Variants in PRR16 observed in about 807,000 individuals in gnomAD.
The protein encoded by PRR16 is protein Largen.
In PRR16, 6 loss-of-function variants were observed where a neutral mutation model predicts 18.2. That is an observed-to-expected ratio of 0.33 (90% CI 0.18 to 0.65). The LOEUF is 0.65. Among genes scored for constraint, PRR16 ranks in the 30% least tolerant of loss-of-function variants. The pLI, the probability that PRR16 is intolerant of heterozygous loss-of-function variation, is 0.74. For synonymous variants in PRR16, 151 were observed against 147.8 expected (o/e 1.02, Z -0.16); for missense variants, 412 against 376.6 (o/e 1.09, Z -0.78).
intron 1 of PRR16, among the ~76,000 whole-genome samples, chr5:120,602,994 A>G (rs186965385): frequency 1.3e-5 from 2 of 152,154 alleles, no homozygotes; most frequent in East Asian, 1.9e-4. Flanking sequence ...GTTTGCATCT[A>G]TGTTCATTAG....
Position 120,686,819 on chromosome 5 carries a change from A to T in PRR16, c.*110A>T. The T allele has an allele frequency of 2.2e-6, 2 of 921,694 alleles. No homozygotes were observed. Among genetic ancestry groups the T allele is most frequent in the Non-Finnish European group, 3.0e-6 (2 of 675,002 alleles). 57.1% of individuals were successfully genotyped at this position (921,694 alleles called of 1,614,324 possible). A position where few individuals can be genotyped will look rare whatever the true frequency, so the allele number is the denominator to read the frequency against. On this transcript the variant is annotated 3_prime_UTR_variant, in exon 2 of 2. Coordinates refer to ENST00000407149, the MANE Select transcript of PRR16 (RefSeq NM_001300783.2). ...AAAAGCCCAAATATATTAATCCTGCATTCAGCAAAGTGGCATAAAAATCAC... is the reference window on the plus strand; with the variant it reads ...AAAAGCCCAAATATATTAATCCTGCTTTCAGCAAAGTGGCATAAAAATCAC...
chr5:120,481,387 T>A, intron 1 of PRR16: 1 of 293,208 alleles, frequency 3.4e-6, no homozygotes, highest in South Asian at 2.6e-5. Flanking sequence ...TGCCTTAGCC[T>A]CCCAAAGTGC....
At chr5:120,757,212 T>C in the PRR16 span, among the ~76,000 whole-genome samples, 1 of 152,126 alleles carries the variant, frequency 6.6e-6, no homozygotes, top group Non-Finnish European at 1.5e-5. Flanking sequence ...ATGTTTTGGT[T>C]ACTGTAGCCT....
the PRR16 span, among the ~76,000 whole-genome samples, chr5:120,699,833 G>A: frequency 6.6e-6 from 1 of 152,330 alleles, no homozygotes; most frequent in Non-Finnish European, 1.5e-5. Context: ...GGGTTTGAGA[G>A]ATCAGTCAGA....
intron 1 of PRR16, among the ~76,000 whole-genome samples, chr5:120,537,959 G>A (rs917028029): frequency 5.9e-5 from 9 of 151,342 alleles, no homozygotes; most frequent in Non-Finnish European, 1.0e-4. Context: ...TGTATTTTTA[G>A]TAGAGACGGG....
chr5:120,724,807 A>C, the PRR16 span, among the ~76,000 whole-genome samples: 1 of 152,024 alleles, frequency 6.6e-6, no homozygotes, highest in Non-Finnish European at 1.5e-5. Context: ...TGTTTCATCA[A>C]ATACATAGGA....
intron 1 of PRR16, among the ~76,000 whole-genome samples, chr5:120,673,039 A>G (rs1197301648): frequency 1.3e-5 from 2 of 152,226 alleles, no homozygotes; most frequent in African/African-American, 4.8e-5. Context: ...AGGTGATGAA[A>G]ACAGGAATTA....
At chr5:120,548,924 G>A (rs1458781608) in intron 1 of PRR16, among the ~76,000 whole-genome samples, 1 of 151,338 alleles carries the variant, frequency 6.6e-6, no homozygotes, top group African/African-American at 2.4e-5. Flanking sequence ...ATTGAGACAT[G>A]CTGAAAATAA....
chr5:120,555,803 T>A (rs1240106676), intron 1 of PRR16, among the ~76,000 whole-genome samples: 2 of 126,690 alleles, frequency 1.6e-5, no homozygotes, highest in East Asian at 2.5e-4. Context: ...CTAGAAAGGT[T>A]TTTTTTTTTT....
At chr5:120,701,371 A>G in the PRR16 span, among the ~76,000 whole-genome samples, 1 of 152,164 alleles carries the variant, frequency 6.6e-6, no homozygotes, top group Non-Finnish European at 1.5e-5. Flanking sequence ...TTGCTGCCAA[A>G]CAAGTCATGA....
intron 1 of PRR16, among the ~76,000 whole-genome samples, chr5:120,627,228 C>A (rs1459038688): frequency 6.6e-6 from 1 of 151,982 alleles, no homozygotes; most frequent in Non-Finnish European, 1.5e-5. Context: ...ATTAAATGGC[C>A]GAGATGTGGC....
At position 120,497,383 on chromosome 5, in the gene PRR16, G is replaced by GTTT. The variant is rs772458976; in HGVS notation, c.159+32738_159+32739insTTT. Among the ~76,000 whole-genome samples the GTTT allele has an allele frequency of 5.8e-3, 621 of 106,826 alleles. 5 individuals carry two copies. Among genetic ancestry groups the GTTT allele is most frequent in the Non-Finnish European group, 9.3e-3 (502 of 53,748 alleles). The allele number at this position is 106,826 out of a possible 152,430, so 70.1% of individuals were successfully genotyped here. ...TTTGCTTCCCCTGTTTTGATGAACT[G>GTTT]ATTTTTTTTTTTTTTTTTTTTTTTG... On this transcript the variant is annotated intron_variant, in intron 1 of 1. Transcript: ENST00000407149.
intron 1 of PRR16, among the ~76,000 whole-genome samples, chr5:120,514,109 A>G (rs747165073): frequency 1.3e-5 from 2 of 152,154 alleles, no homozygotes; most frequent in Non-Finnish European, 2.9e-5. Flanking sequence ...CGTGTTTCAC[A>G]TATATTAGGT....
intron 1 of PRR16, among the ~76,000 whole-genome samples, chr5:120,559,475 G>A (rs1435684613): frequency 1.3e-5 from 2 of 151,806 alleles, no homozygotes; most frequent in South Asian, 4.1e-4. Context: ...TGGATGTGTG[G>A]ATTTGTTTCT....
chr5:120,719,713 T>G, the PRR16 span, among the ~76,000 whole-genome samples: 2 of 152,064 alleles, frequency 1.3e-5, no homozygotes, highest in Admixed American at 1.3e-4. Flanking sequence ...AATTTAAATT[T>G]TCTATTTGTA....
At chr5:120,735,968 A>T in the PRR16 span, among the ~76,000 whole-genome samples, 1 of 152,138 alleles carries the variant, frequency 6.6e-6, no homozygotes, top group Admixed American at 6.5e-5. Flanking sequence ...ATATATTTTT[A>T]AATCAATTGT....
At chr5:120,503,792 C>T (rs1010294222) in intron 1 of PRR16, among the ~76,000 whole-genome samples, 2 of 150,082 alleles carry the variant, frequency 1.3e-5, no homozygotes, top group Admixed American at 6.7e-5. Context: ...CTCCCCGCTC[C>T]CCCCACCCCA....
At chr5:120,790,706 T>A in the PRR16 span, 1 of 152,208 alleles carries the variant, frequency 6.6e-6, no homozygotes, top group East Asian at 1.9e-4. Flanking sequence ...ATTTGCACTG[T>A]CACTTCCATT....
the PRR16 span, among the ~76,000 whole-genome samples, chr5:120,720,848 T>A: frequency 1.3e-5 from 2 of 152,088 alleles, no homozygotes; most frequent in Non-Finnish European, 2.9e-5. Flanking sequence ...ACTGTAAGTG[T>A]CCTTTTTGGG....
Sources: allele counts gnomAD v4.1 joint callset (sites outside exome capture counted in the v4.1 genomes callset), GRCh38; gene constraint gnomAD v4.1.1; transcripts MANE v1.5; gene names NCBI Gene and HGNC (gene_info 2026-07-23, HGNC 2026-07-21).